Variants in EFCAB14 observed in about 807,000 individuals in gnomAD.
EFCAB14 encodes EF-hand calcium-binding domain-containing protein 14.
Under a neutral mutation model 56.5 loss-of-function variants are expected in EFCAB14, and 43 were observed. The ratio of observed to expected loss-of-function variants is 0.76; its 90% CI spans 0.60 to 0.98. The LOEUF is 0.98. EFCAB14 is among the 50% of genes least tolerant of loss of function. The pLI is 0.00. For missense variants in EFCAB14, 538 were observed against 580.3 expected (o/e 0.93, Z 0.75); for synonymous variants, 235 against 212.9 (o/e 1.10, Z -0.90).
chr1:46,713,377 C>G (rs1677338741), intron 2 of EFCAB14, among the ~76,000 whole-genome samples: 1 of 152,196 alleles, frequency 6.6e-6, no homozygotes, highest in African/African-American at 2.4e-5. Context: ...TGGTAGAAAG[C>G]AGGGTCCGCA....
chr1:46,707,941 T>C lies in EFCAB14; in HGVS notation c.445A>G (p.Lys149Glu). ...ATTTCTGTGATGTTTATCCAGACTT[T>C]GTTCAAACCCATCTCTCCAGATTCA... Reference protein sequence around the residue: ...KIESGEMGLNKVWINITEMNK... With the variant: ...KIESGEMGLNEVWINITEMNK... The change falls in exon 3 of 11, where the codon AAA (lysine) becomes GAA (glutamate). Residue 149 changes from lysine to glutamate, a missense_variant. Physicochemically the swap from Lys to Glu is moderately conservative, Grantham distance 56. Coordinates refer to ENST00000371933, the MANE Select transcript of EFCAB14 (RefSeq NM_014774.3). The C allele has an allele frequency of 1.9e-6, 3 of 1,611,672 alleles. No homozygotes were observed. Among genetic ancestry groups the C allele is most frequent in the African/African-American group, 1.3e-5 (1 of 75,014 alleles).
At chr1:46,699,700 T>C (rs1450366754) in intron 3 of EFCAB14, among the ~76,000 whole-genome samples, 1 of 152,200 alleles carries the variant, frequency 6.6e-6, no homozygotes, top group Non-Finnish European at 1.5e-5. Context: ...CTTATAAGGA[T>C]ACGTGATGGT....
intron 3 of EFCAB14, among the ~76,000 whole-genome samples, chr1:46,698,492 G>A (rs1270053064): frequency 2.0e-5 from 3 of 152,134 alleles, no homozygotes; most frequent in Non-Finnish European, 4.4e-5. Flanking sequence ...AACTTGACAG[G>A]AGTGACTGGG....
intron 3 of EFCAB14, among the ~76,000 whole-genome samples, chr1:46,696,980 C>A (rs1229977332): frequency 6.6e-6 from 1 of 152,200 alleles, no homozygotes; most frequent in Non-Finnish European, 1.5e-5. Context: ...ACTCCCTCAA[C>A]AATTGGACAG....
At position 46,689,608 on chromosome 1, in the gene EFCAB14, G is replaced by C. The variant is rs565415116; in HGVS notation, c.774C>G (p.Thr258=). The change falls in exon 6 of 11, where the codon ACC becomes ACG. Residue 258 remains threonine, a synonymous_variant. Transcript: ENST00000371933. ...PSATSELDNK[T]HSENLKQDIL... is the part of the protein sequence containing the mutation. The stretch of plus-strand genomic sequence containing the variant: ...GCACCTGTTTCAAATTCTCACTGTG[G>C]GTTTTATTGTCAAGTTCTGATGTGG... 6.2e-7 allele frequency: 1 copy of C among 1,613,856 alleles called. No homozygotes were observed. Among genetic ancestry groups the C allele is most frequent in the East Asian group, 2.2e-5 (1 of 44,884 alleles).
chr1:46,676,078 C>T lies in EFCAB14; in HGVS notation c.*2383G>A, dbSNP rs1012719003. On this transcript the variant is annotated 3_prime_UTR_variant, in exon 11 of 11. Coordinates refer to ENST00000371933, the MANE Select transcript of EFCAB14 (RefSeq NM_014774.3). Reference sequence around the variant, plus strand: ...TTAAGACAACATACAAATAAAAGTCCCAAATTCACACTAAATAATAGGCTT... The same window carrying T: ...TTAAGACAACATACAAATAAAAGTCTCAAATTCACACTAAATAATAGGCTT... 2 of 152,146 alleles carry T rather than the reference C, an allele frequency of 1.3e-5. No homozygotes were observed. Among genetic ancestry groups the T allele is most frequent in the Admixed American group, 6.5e-5 (1 of 15,278 alleles). The allele number at this position is 152,146 out of a possible 1,614,324, so 9.4% of individuals were successfully genotyped here. A position where few individuals can be genotyped will look rare whatever the true frequency, so the allele number is the denominator to read the frequency against.
At position 46,678,435 on chromosome 1, in the gene EFCAB14, C is replaced by T. The variant is rs1340519567; in HGVS notation, c.*26G>A. Reference sequence around the variant, plus strand: ...GTTAGGTAAATAGATATTAGGCAGTCCATTTCTAAAATATGCCTGATGAAG... The same window carrying T: ...GTTAGGTAAATAGATATTAGGCAGTTCATTTCTAAAATATGCCTGATGAAG... On this transcript the variant is annotated 3_prime_UTR_variant, in exon 11 of 11. Coordinates refer to ENST00000371933, the MANE Select transcript of EFCAB14 (RefSeq NM_014774.3). 6.2e-7 allele frequency: 1 copy of T among 1,612,782 alleles called. No individual in the cohort carries two copies. Among genetic ancestry groups the T allele is most frequent in the Non-Finnish European group, 8.5e-7 (1 of 1,179,650 alleles).
At position 46,718,786 on chromosome 1, in the gene EFCAB14, G is replaced by T. The variant is rs1348386127; in HGVS notation, c.-699C>A. On this transcript the variant is annotated 5_prime_UTR_variant, in exon 1 of 11. Coordinates refer to ENST00000371933, the MANE Select transcript of EFCAB14 (RefSeq NM_014774.3). ...GGGGCCCGAGGCCGAGGAAGATCCGGAGCCCGGCTAGAAGGGTCGGCCTGA... is the reference window on the plus strand; with the variant it reads ...GGGGCCCGAGGCCGAGGAAGATCCGTAGCCCGGCTAGAAGGGTCGGCCTGA... 2 of 152,362 alleles carry T rather than the reference G, an allele frequency of 1.3e-5. No homozygotes were observed. The highest frequency in any genetic ancestry group is 4.8e-5 in the African/African-American group (2 of 41,466). The allele number at this position is 152,362 out of a possible 1,614,324, so 9.4% of individuals were successfully genotyped here. A position where few individuals can be genotyped will look rare whatever the true frequency, so the allele number is the denominator to read the frequency against.
At chr1:46,690,860 T>G (rs1470657292) in intron 5 of EFCAB14, among the ~76,000 whole-genome samples, 1 of 151,820 alleles carries the variant, frequency 6.6e-6, no homozygotes, top group Non-Finnish European at 1.5e-5. Flanking sequence ...TGGTACAAAC[T>G]TCCCAATTTA....
At chr1:46,700,098 A>T (rs1484904147) in intron 3 of EFCAB14, among the ~76,000 whole-genome samples, 1 of 152,198 alleles carries the variant, frequency 6.6e-6, no homozygotes, top group Non-Finnish European at 1.5e-5. Flanking sequence ...CTTGGCCAGA[A>T]CCAGTCTGCT....
At chr1:46,690,820 T>C (rs1280879137) in intron 5 of EFCAB14, among the ~76,000 whole-genome samples, 1 of 151,202 alleles carries the variant, frequency 6.6e-6, no homozygotes, top group Non-Finnish European at 1.5e-5. Context: ...AACTCTCTTC[T>C]AGAGCTCTCT....
rs1676700225 is a variant in EFCAB14, at chr1:46,676,665, T to C, written c.*1796A>G. 6.6e-6 allele frequency: 1 copy of C among 152,532 alleles called. No homozygotes were observed. The highest frequency in any genetic ancestry group is 2.4e-5 in the African/African-American group (1 of 41,410). 9.4% of individuals were successfully genotyped at this position (152,532 alleles called of 1,614,324 possible). The stretch of plus-strand genomic sequence containing the variant: ...TGGGGTGAGAGTGGATGGAAGGCAG[T>C]CAGAAGGGTGAGAGTTATTTTCAAG... On this transcript the variant is annotated 3_prime_UTR_variant, in exon 11 of 11. Transcript: ENST00000371933.
chr1:46,698,266 T>C (rs147135094), intron 3 of EFCAB14, among the ~76,000 whole-genome samples: 1 of 152,294 alleles, frequency 6.6e-6, no homozygotes, highest in African/African-American at 2.4e-5. Flanking sequence ...CTCTTTTCCC[T>C]CTTTTCTTTT....
chr1:46,699,305 A>T lies in EFCAB14; in HGVS notation c.481-2656T>A, dbSNP rs1234778755. Among the ~76,000 whole-genome samples, 3 of 152,210 alleles carry T rather than the reference A, an allele frequency of 2.0e-5. No homozygotes were observed. In the East Asian group the frequency reaches 5.8e-4, roughly 29 times the overall value. ...GCATTCTTTCTAGGTTAGAAGGGTG[A>T]GGGTGGCATCGGGGGATAGGGAACA... On this transcript the variant is annotated intron_variant, in intron 3 of 10. Coordinates refer to ENST00000371933, the MANE Select transcript of EFCAB14 (RefSeq NM_014774.3).
At chr1:46,709,132 T>C (rs1473634452) in intron 2 of EFCAB14, among the ~76,000 whole-genome samples, 6 of 152,210 alleles carry the variant, frequency 3.9e-5, no homozygotes. Flanking sequence ...ACTTCTACAC[T>C]TAGAACACTC....
Position 46,678,355 on chromosome 1 carries a change from G to T in EFCAB14, c.*106C>A. On this transcript the variant is annotated 3_prime_UTR_variant, in exon 11 of 11. Transcript: ENST00000371933. ...CAAGTTAAAAGGTGGCAAAGTATCT[G>T]CTACAGTAGTTTGGAGGACTAGAGG... The T allele has an allele frequency of 8.2e-7, 1 of 1,212,452 alleles. No homozygotes were observed. Among genetic ancestry groups the T allele is most frequent in the African/African-American group, 1.5e-5 (1 of 64,988 alleles). The allele number at this position is 1,212,452 out of a possible 1,614,324, so 75.1% of individuals were successfully genotyped here.
chr1:46,696,234 C>T (rs1030323313), intron 4 of EFCAB14, among the ~76,000 whole-genome samples: 1 of 151,738 alleles, frequency 6.6e-6, no homozygotes, highest in African/African-American at 2.4e-5. Flanking sequence ...AGCTGAAAAG[C>T]GAACCCATAT....
chr1:46,689,995 G>A (rs941017622), intron 5 of EFCAB14, among the ~76,000 whole-genome samples: 3 of 152,240 alleles, frequency 2.0e-5, no homozygotes, highest in Non-Finnish European at 4.4e-5. Flanking sequence ...CCCATTGCCT[G>A]TGCTCCCAGA....
At chr1:46,696,877 A>G (rs1455134598) in intron 3 of EFCAB14, among the ~76,000 whole-genome samples, 1 of 152,218 alleles carries the variant, frequency 6.6e-6, no homozygotes, top group Non-Finnish European at 1.5e-5. Context: ...CACTAGTGTC[A>G]AAGAGTGAAG....
Sources: gnomAD v4.1 joint callset for allele counts (sites outside exome capture counted in the v4.1 genomes callset) on GRCh38, gnomAD v4.1.1 for gene constraint, MANE v1.5 for transcripts, NCBI Gene and HGNC (gene_info 2026-07-23, HGNC 2026-07-21) for gene names.